EPHB1: variants seen among roughly 807,000 people sequenced by gnomAD.
EPHB1 encodes the protein ephrin type-B receptor 1.
In EPHB1, 30 loss-of-function variants were observed where a neutral mutation model predicts 94.4. That is an observed-to-expected ratio of 0.32 (90% CI 0.24 to 0.43). The LOEUF is 0.43. Ranked by LOEUF, EPHB1 falls within the 20% of genes least tolerant of loss-of-function variation. The pLI, the probability that EPHB1 is intolerant of heterozygous loss-of-function variation, is 1.00. For synonymous variants in EPHB1, 522 were observed against 489.1 expected (o/e 1.07, Z -0.89); for missense variants, 1,055 against 1,308.3 (o/e 0.81, Z 2.99).
chr3:134,854,793 G>A (rs1462230593), intron 1 of EPHB1, among the ~76,000 whole-genome samples: 2 of 152,042 alleles, frequency 1.3e-5, no homozygotes, highest in Non-Finnish European at 2.9e-5. Context: ...ATGTCTTTAC[G>A]CTTGGTTTGG....
chr3:134,952,872 G>C (rs1933089835), intron 3 of EPHB1, among the ~76,000 whole-genome samples: 2 of 152,182 alleles, frequency 1.3e-5, no homozygotes, highest in Non-Finnish European at 2.9e-5. Context: ...GAAGGATCTG[G>C]AGGCCCCTCA....
intron 11 of EPHB1, 132 bp from the exon 12 acceptor site, chr3:135,201,342 G>C: frequency 1.2e-6 from 1 of 816,502 alleles, no homozygotes. Flanking sequence ...GGAGTGGGAA[G>C]AGAGGAGGAC....
At chr3:135,170,528 C>T (rs887547586) in intron 9 of EPHB1, among the ~76,000 whole-genome samples, 10 of 152,120 alleles carry the variant, frequency 6.6e-5, no homozygotes, top group South Asian at 2.1e-4. Flanking sequence ...TGTGGCTTTC[C>T]GAGTCCTGGA....
intron 3 of EPHB1, among the ~76,000 whole-genome samples, chr3:135,080,677 G>A (rs1310008599): frequency 6.6e-6 from 1 of 152,074 alleles, no homozygotes; most frequent in Admixed American, 6.5e-5. Context: ...TGGAAGTCAT[G>A]GCAGGAAGCT....
intron 3 of EPHB1, among the ~76,000 whole-genome samples, chr3:135,026,064 G>A (rs1456729480): frequency 0.026 from 1,537 of 59,728 alleles, no homozygotes; most frequent in Non-Finnish European, 0.038. Context: ...GGGGTTGTTT[G>A]TTTTTTTCTT....
At chr3:135,094,253 G>A (rs540404249) in intron 3 of EPHB1, among the ~76,000 whole-genome samples, 6 of 152,224 alleles carry the variant, frequency 3.9e-5, no homozygotes, top group Middle Eastern at 3.2e-3. Context: ...CCTCCATGCT[G>A]ATCATTTCAA....
intron 10 of EPHB1, among the ~76,000 whole-genome samples, chr3:135,184,515 T>A (rs1942278277): frequency 6.6e-6 from 1 of 152,160 alleles, no homozygotes; most frequent in Admixed American, 6.5e-5. Flanking sequence ...ATGTATGTGT[T>A]TTGTTGGTCT....
intron 1 of EPHB1, among the ~76,000 whole-genome samples, chr3:134,886,861 C>T (rs893790458): frequency 1.3e-5 from 2 of 152,042 alleles, no homozygotes; most frequent in East Asian, 1.9e-4. Flanking sequence ...GCTGAGGAGG[C>T]ATCATGATTT....
chr3:135,180,073 C>T, intron 10 of EPHB1, 91 bp downstream of exon 10: 2 of 1,475,022 alleles, frequency 1.4e-6, no homozygotes, highest in South Asian at 2.5e-5. Context: ...TATGAAAAGC[C>T]CCATTAGGAG....
chr3:134,860,150 G>C (rs2037217162), intron 1 of EPHB1, among the ~76,000 whole-genome samples: 1 of 142,814 alleles, frequency 7.0e-6, no homozygotes, highest in Non-Finnish European at 1.5e-5. Flanking sequence ...AGAAGGAAGG[G>C]ACACACACAC....
chr3:135,148,002 A>T (rs941234110), intron 5 of EPHB1, among the ~76,000 whole-genome samples: 4 of 152,240 alleles, frequency 2.6e-5, no homozygotes, highest in Admixed American at 6.5e-5. Context: ...GAGTGTATGT[A>T]CGTTAATTTT....
At chr3:134,977,489 C>T (rs17282355) in intron 3 of EPHB1, among the ~76,000 whole-genome samples, 12,979 of 152,242 alleles carry the variant, frequency 0.085, 775 homozygotes, top group Middle Eastern at 0.17. Context: ...GCAGACTTTC[C>T]TTCAGTGGCC....
At chr3:134,899,386 G>T (rs533872084) in intron 1 of EPHB1, among the ~76,000 whole-genome samples, 4 of 152,212 alleles carry the variant, frequency 2.6e-5, no homozygotes, top group East Asian at 1.9e-4. Flanking sequence ...TGGGCAGCTT[G>T]TTGACCCCCC....
chr3:135,224,564 T>C (rs1943350505), intron 12 of EPHB1, among the ~76,000 whole-genome samples: 1 of 152,238 alleles, frequency 6.6e-6, no homozygotes, highest in Non-Finnish European at 1.5e-5. Context: ...TATTTTTCTC[T>C]TGTGACTAAT....
chr3:135,034,115 A>G (rs1425258204), intron 3 of EPHB1, among the ~76,000 whole-genome samples: 1 of 152,176 alleles, frequency 6.6e-6, no homozygotes, highest in Non-Finnish European at 1.5e-5. Flanking sequence ...TTTCTTCAGG[A>G]AAGAAATGAG....
intron 1 of EPHB1, among the ~76,000 whole-genome samples, chr3:134,826,361 TC>T (rs374261216): frequency 1.3e-5 from 2 of 152,192 alleles, no homozygotes; most frequent in African/African-American, 4.8e-5. Context: ...CCTACACCAG[TC>T]CAGATGCATT....
rs184775048 is a variant in EPHB1, at chr3:135,138,159, G to A, written c.1297+5110G>A. 2.5e-3 allele frequency among the ~76,000 whole-genome samples: 376 copies of A among 152,278 alleles called. 2 individuals are homozygous for A. The highest frequency in any genetic ancestry group is 4.0e-3 in the Non-Finnish European group (271 of 68,034). On this transcript the variant is annotated intron_variant, in intron 5 of 15. Coordinates refer to ENST00000398015, the MANE Select transcript of EPHB1 (RefSeq NM_004441.5). ...TACATGCAGTTCATGTATGGCCTGC[G>A]TGCCACTTCCATGTGGAATACTATC... is the stretch of plus-strand genomic sequence containing the variant.
intron 1 of EPHB1, among the ~76,000 whole-genome samples, chr3:134,831,900 G>A (rs1030724459): frequency 1.3e-5 from 2 of 152,210 alleles, no homozygotes; most frequent in Non-Finnish European, 2.9e-5. Context: ...TTGAGAGAAT[G>A]TGGGGCTGCT....
rs2038777334 is a variant in EPHB1, at chr3:134,925,749, G to A, written c.59-67G>A. Reference sequence around the variant, plus strand: ...TCACAAACAACTTCGTGACCTTGAGGGCCACTGTATAGCAATCCTTCTGAC... The same window carrying A: ...TCACAAACAACTTCGTGACCTTGAGAGCCACTGTATAGCAATCCTTCTGAC... On this transcript the variant is annotated intron_variant, in intron 1 of 15. Coordinates refer to ENST00000398015, the MANE Select transcript of EPHB1 (RefSeq NM_004441.5). 2.2e-6 allele frequency: 3 copies of A among 1,344,208 alleles called. No homozygotes were observed. In the South Asian group the frequency reaches 4.3e-5, roughly 19 times the overall value. 83.3% of individuals were successfully genotyped at this position (1,344,208 alleles called of 1,614,324 possible). A position where few individuals can be genotyped will look rare whatever the true frequency, so the allele number is the denominator to read the frequency against.
Sources: allele counts gnomAD v4.1 joint callset (sites outside exome capture counted in the v4.1 genomes callset), GRCh38; gene constraint gnomAD v4.1.1; transcripts MANE v1.5; gene names NCBI Gene and HGNC (gene_info 2026-07-23, HGNC 2026-07-21).